The following WDR93 variants were observed in gnomAD, a reference collection of about 807,000 sequenced individuals.
WDR93 encodes the protein WD repeat-containing protein 93.
A neutral mutation model predicts 82.9 loss-of-function variants in WDR93; 73 were observed. That is an observed-to-expected ratio of 0.88 (90% CI 0.73 to 1.07). The LOEUF is 1.07. Ranked by LOEUF, WDR93 falls within the 50% of genes least tolerant of loss-of-function variation. The probability of loss-of-function intolerance (pLI) is 0.00; values close to 1 mark genes in which losing one functional copy is unlikely to be tolerated. For missense variants in WDR93, 738 were observed against 826.0 expected (o/e 0.89, Z 1.31); for synonymous variants, 283 against 300.1 (o/e 0.94, Z 0.59).
At chr15:89,718,834 C>A (rs887509273) in intron 7 of WDR93, among the ~76,000 whole-genome samples, 1 of 152,136 alleles carries the variant, frequency 6.6e-6, no homozygotes, top group East Asian at 1.9e-4. Context: ...AGGCTAGTCT[C>A]GAACGCCTGA....
At position 89,710,928 on chromosome 15, in the gene WDR93, G is replaced by T. The variant is rs117840594; in HGVS notation, c.562-1098G>T. On this transcript the variant is annotated intron_variant, in intron 4 of 16. Coordinates refer to ENST00000268130, the MANE Select transcript of WDR93 (RefSeq NM_020212.2). ...TGATGGAAAGATCTTCCTTATAGAA[G>T]AATTCTAATAAATGCAGAAGGAATG... Among the ~76,000 whole-genome samples the T allele has an allele frequency of 1.7e-4, 26 of 152,288 alleles. No individual in the cohort carries two copies. The East Asian group carries it at 4.8e-3, about 28-fold the overall frequency.
chr15:89,737,703 C>T lies in WDR93; in HGVS notation c.1739C>T (p.Pro580Leu), dbSNP rs751923422. The change falls in exon 15 of 17, where the codon CCA becomes CTA. Residue 580 changes from proline to leucine, a missense_variant. Physicochemically the swap from Pro to Leu is moderately conservative, Grantham distance 98. Coordinates refer to ENST00000268130, the MANE Select transcript of WDR93 (RefSeq NM_020212.2). ...TGGAAGCCAGTGTTTGCTGTGTCTC[C>T]AGACCATCCATGTTTCCTGCTCCGA... ...VPWKPVFAVS[P>L]DHPCFLLRGD... 15 of 1,614,096 alleles carry T rather than the reference C, an allele frequency of 9.3e-6. No homozygotes were observed.
chr15:89,729,668 CCG>C lies in WDR93; in HGVS notation c.1124-13_1124-12del, dbSNP rs538148726. ...GTAACACCCATTTTCTGTCTTTCCC[CCG>C]CCCCCCCACCAGGAATGGCCTGTGT... is the stretch of plus-strand genomic sequence containing the variant. On this transcript the variant is annotated splice_polypyrimidine_tract_variant and intron_variant, in intron 10 of 16. Coordinates refer to ENST00000268130, the MANE Select transcript of WDR93 (RefSeq NM_020212.2). The C allele has an allele frequency of 2.8e-4, 451 of 1,609,488 alleles. No homozygotes were observed. The African/African-American group carries it at 5.2e-3, about 18-fold the overall frequency.
At chr15:89,708,497 C>T (rs1262613560) in intron 4 of WDR93, among the ~76,000 whole-genome samples, 2 of 152,150 alleles carry the variant, frequency 1.3e-5, no homozygotes, top group African/African-American at 4.8e-5. Flanking sequence ...TGCCAGTCCT[C>T]AGCAGTGCCC....
intron 12 of WDR93, among the ~76,000 whole-genome samples, chr15:89,731,975 G>A (rs1371136): frequency 0.54 from 82,373 of 151,908 alleles, 23,033 homozygotes; most frequent in South Asian, 0.6. Context: ...CCCAGTCAGC[G>A]CAAACTCTAT....
At chr15:89,724,866 T>C (rs540456954) in intron 8 of WDR93, among the ~76,000 whole-genome samples, 7 of 152,286 alleles carry the variant, frequency 4.6e-5, no homozygotes, top group Admixed American at 2.6e-4. Flanking sequence ...CATTTAGCAA[T>C]GAAAACTGGT....
chr15:89,715,195 C>A, intron 6 of WDR93, 100 bp downstream of exon 6: 1 of 942,904 alleles, frequency 1.1e-6, no homozygotes, highest in South Asian at 1.6e-5. Context: ...GGCCTCTGGG[C>A]TATAAGAGAG....
chr15:89,697,354 C>T (rs1203272241), intron 1 of WDR93, among the ~76,000 whole-genome samples: 2 of 152,056 alleles, frequency 1.3e-5, no homozygotes, highest in Non-Finnish European at 2.9e-5. Context: ...GAGTATCTAC[C>T]CTAGGAGCAT....
intron 1 of WDR93, among the ~76,000 whole-genome samples, chr15:89,691,736 A>ATAAAG (rs1964898075): frequency 6.6e-6 from 1 of 151,828 alleles, no homozygotes; most frequent in Non-Finnish European, 1.5e-5. Flanking sequence ...ATAAAATAAA[A>ATAAAG]TAAAATAAGG....
intron 4 of WDR93, among the ~76,000 whole-genome samples, chr15:89,711,745 T>C (rs905823136): frequency 6.6e-6 from 1 of 152,194 alleles, no homozygotes; most frequent in Non-Finnish European, 1.5e-5. Context: ...TTTGCACACC[T>C]GACGAGGAGA....
At chr15:89,703,320 A>T in intron 3 of WDR93, 178 bp downstream of exon 3, 1 of 676,756 alleles carries the variant, frequency 1.5e-6, no homozygotes, top group Non-Finnish European at 2.5e-6. Flanking sequence ...ACCATTTCAC[A>T]TGTGCTAGCC....
At chr15:89,738,401 C>T (rs1473531217) in intron 16 of WDR93, among the ~76,000 whole-genome samples, 165 bp downstream of exon 16, 1 of 152,074 alleles carries the variant, frequency 6.6e-6, no homozygotes, top group Admixed American at 6.5e-5. Flanking sequence ...CCGAGGCAGG[C>T]GGATCACCTG....
intron 4 of WDR93, among the ~76,000 whole-genome samples, chr15:89,707,117 G>A (rs1453861448): frequency 6.6e-6 from 1 of 151,910 alleles, no homozygotes; most frequent in Non-Finnish European, 1.5e-5. Context: ...AATGGGCAAA[G>A]GATTTGAAAA....
intron 9 of WDR93, among the ~76,000 whole-genome samples, chr15:89,728,696 T>G (rs1198283348): frequency 1.3e-5 from 2 of 152,160 alleles, no homozygotes; most frequent in African/African-American, 4.8e-5. Context: ...AGAGAACATC[T>G]ATGTAGATCA....
intron 16 of WDR93, among the ~76,000 whole-genome samples, chr15:89,741,248 G>A (rs1344383481): frequency 6.6e-6 from 1 of 152,006 alleles, no homozygotes; most frequent in African/African-American, 2.4e-5. Context: ...TTTTTATTTT[G>A]TCTATTTTTT....
intron 1 of WDR93, among the ~76,000 whole-genome samples, chr15:89,699,063 T>A (rs1965327698): frequency 6.6e-6 from 1 of 151,992 alleles, no homozygotes; most frequent in Non-Finnish European, 1.5e-5. Context: ...GGTCTCCTTT[T>A]GTTGCTCAGG....
chr15:89,739,115 CAAAAA>C (rs763514909), intron 16 of WDR93, among the ~76,000 whole-genome samples: 2 of 127,206 alleles, frequency 1.6e-5, no homozygotes, highest in African/African-American at 2.8e-5. Flanking sequence ...GACCCTGCCT[CAAAAA>C]AAAAAAAAAA....
At position 89,729,054 on chromosome 15, in the gene WDR93, T is replaced by G. The variant is rs1224343146; in HGVS notation, c.1084T>G (p.Cys362Gly). The G allele has an allele frequency of 5.0e-6, 8 of 1,614,080 alleles. No homozygotes were observed. The highest frequency in any genetic ancestry group is 6.8e-6 in the Non-Finnish European group (8 of 1,180,036). The change falls in exon 10 of 17, where the codon TGC becomes GGC. Residue 362 changes from cysteine (C) to glycine (G), a missense_variant. By Grantham distance (159) the Cys-to-Gly change is radical. Coordinates refer to ENST00000268130, the MANE Select transcript of WDR93 (RefSeq NM_020212.2). Reference sequence around the variant, plus strand: ...CACCTTCTATTTCCTTCTTCCTAGCTGCCTATTTGCAATGCCACCGGAAGT... The same window carrying G: ...CACCTTCTATTTCCTTCTTCCTAGCGGCCTATTTGCAATGCCACCGGAAGT... ...TATFYFLLPS[C>G]LFAMPPEVKG... is the part of the protein sequence containing the mutation.
chr15:89,729,262 C>T (rs949532532), intron 10 of WDR93, among the ~76,000 whole-genome samples, 169 bp downstream of exon 10: 3 of 152,010 alleles, frequency 2.0e-5, no homozygotes, highest in Non-Finnish European at 4.4e-5. Flanking sequence ...GCATCTGTGG[C>T]CCCTGAGCAC....
Sources: allele counts gnomAD v4.1 joint callset (sites outside exome capture counted in the v4.1 genomes callset), GRCh38; gene constraint gnomAD v4.1.1; transcripts MANE v1.5; gene names NCBI Gene and HGNC (gene_info 2026-07-23, HGNC 2026-07-21).